SCG5: variants seen among roughly 807,000 people sequenced by gnomAD.
SCG5 encodes the protein neuroendocrine protein 7B2.
In SCG5, 18 loss-of-function variants were observed where a neutral mutation model predicts 25.7. The observed-to-expected ratio is 0.70, with a 90% CI of 0.48 to 1.04. The LOEUF (loss-of-function observed/expected upper bound fraction) is 1.04. Among genes scored for constraint, SCG5 ranks in the 50% least tolerant of loss-of-function variants. The pLI is 0.00. For missense variants in SCG5, 206 were observed against 259.8 expected, an observed-to-expected ratio of 0.79 and a Z score of 1.42; for synonymous variants, 101 against 91.7, an observed-to-expected ratio of 1.10 and a Z score of -0.58.
chr15:32,670,653 G>T (rs1210619476), intron 2 of SCG5, among the ~76,000 whole-genome samples: 1 of 152,216 alleles, frequency 6.6e-6, no homozygotes, highest in Non-Finnish European at 1.5e-5. Flanking sequence ...TTCTCCGCTA[G>T]TGCTCATGAT....
intron 4 of SCG5, among the ~76,000 whole-genome samples, chr15:32,686,722 G>C (rs1188286733): frequency 6.6e-6 from 1 of 152,154 alleles, no homozygotes; most frequent in Non-Finnish European, 1.5e-5. Flanking sequence ...AGAACACATT[G>C]AGCCTGCTGT....
At chr15:32,664,951 C>A (rs769098110) in intron 2 of SCG5, among the ~76,000 whole-genome samples, 11 of 152,162 alleles carry the variant, frequency 7.2e-5, no homozygotes, top group Non-Finnish European at 1.6e-4. Flanking sequence ...CTATGGGAGC[C>A]CAGCCTCTAG....
At chr15:32,683,618 A>G (rs533682644) in intron 3 of SCG5, among the ~76,000 whole-genome samples, 7 of 152,302 alleles carry the variant, frequency 4.6e-5, no homozygotes, top group Admixed American at 2.6e-4. Flanking sequence ...AATCATCTCT[A>G]TTCCTCACAG....
intron 2 of SCG5, among the ~76,000 whole-genome samples, chr15:32,667,763 C>G (rs943242751): frequency 6.6e-6 from 1 of 151,704 alleles, no homozygotes; most frequent in African/African-American, 2.4e-5. Context: ...GCCTCCGCCT[C>G]CTGGGTGCAA....
intron 3 of SCG5, chr15:32,684,349 G>A: frequency 1.9e-6 from 1 of 527,994 alleles, no homozygotes; most frequent in East Asian, 3.2e-5. Flanking sequence ...TTGGTGAACA[G>A]CCAGTGAGTC....
chr15:32,666,681 C>T (rs2054323014), intron 2 of SCG5, among the ~76,000 whole-genome samples: 1 of 152,202 alleles, frequency 6.6e-6, no homozygotes, highest in African/African-American at 2.4e-5. Flanking sequence ...ACCACCCTAG[C>T]TAACATTTAT....
intron 2 of SCG5, among the ~76,000 whole-genome samples, chr15:32,674,465 T>G (rs957424695): frequency 6.6e-6 from 1 of 152,166 alleles, no homozygotes; most frequent in Non-Finnish European, 1.5e-5. Context: ...AGTAAAACTT[T>G]GGGGGTCAGA....
intron 2 of SCG5, among the ~76,000 whole-genome samples, chr15:32,663,990 ATCT>A (rs771330211): frequency 0.072 from 10,971 of 152,292 alleles, 546 homozygotes; most frequent in Middle Eastern, 0.18. Context: ...GCTGGAAAAT[ATCT>A]CCCATGTGGT....
chr15:32,688,790 C>T (rs1281415982), intron 4 of SCG5, among the ~76,000 whole-genome samples: 2 of 151,978 alleles, frequency 1.3e-5, no homozygotes, highest in African/African-American at 4.8e-5. Flanking sequence ...AACCCCGTCT[C>T]TACTAAAAAT....
chr15:32,673,154 T>C (rs1400929496), intron 2 of SCG5: 2 of 152,190 alleles, frequency 1.3e-5, no homozygotes, highest in East Asian at 3.9e-4. Context: ...AAGTAAAAAA[T>C]GGGGCAGCAG....
chr15:32,692,090 C>A (rs1158831807), intron 5 of SCG5: 1 of 1,179,486 alleles, frequency 8.5e-7, no homozygotes, highest in Non-Finnish European at 1.0e-6. Context: ...TCTGCCCTCC[C>A]AGGGTCTGTA....
At chr15:32,670,327 G>C (rs1042024906) in intron 2 of SCG5, among the ~76,000 whole-genome samples, 5 of 152,234 alleles carry the variant, frequency 3.3e-5, no homozygotes, top group African/African-American at 1.2e-4. Flanking sequence ...GAGGGACCAG[G>C]CTCGAATTCA....
intron 2 of SCG5, among the ~76,000 whole-genome samples, chr15:32,667,554 C>G (rs1309284047): frequency 6.6e-6 from 1 of 152,270 alleles, no homozygotes; most frequent in Admixed American, 6.5e-5. Context: ...ACTGTCCACA[C>G]AGCTTTGTGG....
At chr15:32,692,312 T>C in intron 5 of SCG5, 1 of 980,668 alleles carries the variant, frequency 1.0e-6, no homozygotes, top group Non-Finnish European at 1.2e-6. Flanking sequence ...TAATATTTGT[T>C]TGCTGTCTGT....
intron 4 of SCG5, among the ~76,000 whole-genome samples, chr15:32,688,466 T>G (rs2054765385): frequency 6.6e-6 from 1 of 152,200 alleles, no homozygotes; most frequent in South Asian, 2.1e-4. Flanking sequence ...TTCCTGACCT[T>G]AACATGTTTG....
chr15:32,659,791 A>T (rs1471170939), intron 2 of SCG5, among the ~76,000 whole-genome samples: 1 of 152,102 alleles, frequency 6.6e-6, no homozygotes, highest in Non-Finnish European at 1.5e-5. Context: ...GCCTGCTGGG[A>T]AGAATCCCTT....
intron 2 of SCG5, among the ~76,000 whole-genome samples, chr15:32,651,355 CCTAGGAGCCT>C (rs2054028710): frequency 6.6e-6 from 1 of 151,930 alleles, no homozygotes; most frequent in East Asian, 1.9e-4. Context: ...AGAGGCAGAT[CCTAGGAGCCT>C]CTACTCTGCC....
At chr15:32,684,435 C>G in intron 3 of SCG5, 122 bp from the exon 4 acceptor site, 1 of 650,208 alleles carries the variant, frequency 1.5e-6, no homozygotes, top group Non-Finnish European at 2.8e-6. Context: ...TGCTAGTGTT[C>G]TAAGTTACTA....
At chr15:32,690,477 G>C (rs1013027972) in intron 4 of SCG5, among the ~76,000 whole-genome samples, 1 of 152,216 alleles carries the variant, frequency 6.6e-6, no homozygotes, top group African/African-American at 2.4e-5. Context: ...TGATCTGCAA[G>C]TCTGCCTTTT....
Sources: allele counts gnomAD v4.1 joint callset (sites outside exome capture counted in the v4.1 genomes callset), GRCh38; gene constraint gnomAD v4.1.1; transcripts MANE v1.5; gene names NCBI Gene and HGNC (gene_info 2026-07-23, HGNC 2026-07-21).